Variants in UNC5A observed in about 807,000 individuals in gnomAD.
UNC5A encodes unc-5 netrin receptor A.
A neutral mutation model predicts 87.4 loss-of-function variants in UNC5A; 20 were observed. The ratio of observed to expected loss-of-function variants is 0.23; its 90% CI spans 0.16 to 0.33. The LOEUF is 0.33. UNC5A is among the 10% of genes least tolerant of loss of function. The probability of loss-of-function intolerance (pLI) is 1.00; values close to 1 mark genes in which losing one functional copy is unlikely to be tolerated. For synonymous variants in UNC5A, 438 were observed against 482.3 expected (o/e 0.91, Z 1.20); for missense variants, 844 against 1,133.4 (o/e 0.74, Z 3.67).
At chr5:176,864,675 T>G in intron 2 of UNC5A, 1 of 334,886 alleles carries the variant, frequency 3.0e-6, no homozygotes, top group South Asian at 2.2e-5. Context: ...CCAAGTGTCG[T>G]CTCAGTGCCT....
At position 176,865,633 on chromosome 5, in the gene UNC5A, T is replaced by C. The variant is rs1757956838; in HGVS notation, c.293-2497T>C. On this transcript the variant is annotated intron_variant, in intron 2 of 14. Coordinates refer to ENST00000329542, the MANE Select transcript of UNC5A (RefSeq NM_133369.3). This position sits in a 1 kb window ranked among gnomAD's most constrained non-coding sequence, Gnocchi z 5.3. ...AGTGCTTTGAGGTGAAGAAAAAGGC[T>C]TTCCTTACCCACGGCAGATACCACG... is the stretch of plus-strand genomic sequence containing the variant. The C allele has an allele frequency of 2.2e-6, 1 of 456,676 alleles. No homozygotes were observed. The highest frequency in any genetic ancestry group is 2.3e-5 in the Admixed American group (1 of 42,574). The allele number at this position is 456,676 out of a possible 1,614,324, so 28.3% of individuals were successfully genotyped here.
intron 1 of UNC5A, among the ~76,000 whole-genome samples, chr5:176,830,970 G>C (rs1322020486): frequency 6.7e-6 from 1 of 148,938 alleles, no homozygotes; most frequent in African/African-American, 2.6e-5. Context: ...GTGTGTGTGT[G>C]CTGGTGTGTG....
At position 176,824,038 on chromosome 5, in the gene UNC5A, C is replaced by T. The variant is rs1157883215; in HGVS notation, c.70+13218C>T. Among the ~76,000 whole-genome samples the T allele has an allele frequency of 6.6e-6, 1 of 152,228 alleles. No individual in the cohort carries two copies. The highest frequency in any genetic ancestry group is 2.4e-5 in the African/African-American group (1 of 41,464). On this transcript the variant is annotated intron_variant, in intron 1 of 14. Transcript: ENST00000329542. The surrounding 1 kb of genome is among the most constrained non-coding windows in gnomAD (Gnocchi z 4.2). ...CACCTGTCCCAGCTGGCGAATGGTC[C>T]CGGAGATCCTGGGCACATGATTGGG...
At position 176,870,359 on chromosome 5, in the gene UNC5A, C is replaced by G; in HGVS notation, c.722-11C>G. The G allele has an allele frequency of 6.2e-7, 1 of 1,610,526 alleles. No individual in the cohort carries two copies. The highest frequency in any genetic ancestry group is 8.5e-7 in the Non-Finnish European group (1 of 1,179,372). On this transcript the variant is annotated splice_polypyrimidine_tract_variant and intron_variant, in intron 5 of 14. Coordinates refer to ENST00000329542, the MANE Select transcript of UNC5A (RefSeq NM_133369.3). ...ACCGCACCGTCTCCTCTCTGCTTGTCTCTCATCTAGTGGACGGCAGCTGGA... is the reference window on the plus strand; with the variant it reads ...ACCGCACCGTCTCCTCTCTGCTTGTGTCTCATCTAGTGGACGGCAGCTGGA...
At chr5:176,870,669 C>T (rs999176789) in intron 6 of UNC5A, 135 bp downstream of exon 6, 2 of 1,015,440 alleles carry the variant, frequency 2.0e-6, no homozygotes, top group Non-Finnish European at 2.8e-6. Context: ...CCACTGAGAT[C>T]CCCCTCATCC....
intron 1 of UNC5A, among the ~76,000 whole-genome samples, chr5:176,857,060 G>A (rs901591126): frequency 3.3e-5 from 5 of 152,194 alleles, no homozygotes; most frequent in South Asian, 2.1e-4. Flanking sequence ...CATTCAGGGC[G>A]CTGCTCAGAT....
intron 1 of UNC5A, among the ~76,000 whole-genome samples, chr5:176,850,539 C>T (rs543070350): frequency 2.0e-5 from 3 of 151,548 alleles, no homozygotes; most frequent in South Asian, 4.2e-4. Context: ...GTCGGGATGG[C>T]GCAGGCAGCG....
intron 1 of UNC5A, among the ~76,000 whole-genome samples, chr5:176,813,136 GCGCA>G (rs1262416031): frequency 5.9e-5 from 9 of 152,170 alleles, no homozygotes; most frequent in Admixed American, 4.6e-4. Flanking sequence ...CTCTGTGCCC[GCGCA>G]CGCAAGCACC....
intron 6 of UNC5A, among the ~76,000 whole-genome samples, chr5:176,872,744 C>A (rs2917638): frequency 8.5e-6 from 1 of 117,680 alleles, no homozygotes; most frequent in African/African-American, 3.4e-5. Flanking sequence ...TTCACATCTG[C>A]CCACACTCAC....
rs1304385131 is a variant in UNC5A, at chr5:176,838,888, G to A, written c.71-23736G>A. 2.0e-5 allele frequency among the ~76,000 whole-genome samples: 3 copies of A among 152,236 alleles called. No individual in the cohort carries two copies. Among genetic ancestry groups the A allele is most frequent in the African/African-American group, 4.8e-5 (2 of 41,456 alleles). ...ATAGCATTGGTTTAAGCCAATCAGGGTCCATCCCTGAAGCTGGTAGGGGTC... is the reference window on the plus strand; with the variant it reads ...ATAGCATTGGTTTAAGCCAATCAGGATCCATCCCTGAAGCTGGTAGGGGTC... On this transcript the variant is annotated intron_variant, in intron 1 of 14. Coordinates refer to ENST00000329542, the MANE Select transcript of UNC5A (RefSeq NM_133369.3). The surrounding 1 kb of genome is among the most constrained non-coding windows in gnomAD (Gnocchi z 4.2).
Position 176,869,832 on chromosome 5 carries a change from G to A in UNC5A, c.722-538G>A. ...TCGTTCCTCACCACGCCATCTCCGT[G>A]CCCTGGCTCCATCGCGCCCACCAGC... On this transcript the variant is annotated intron_variant, in intron 5 of 14. Transcript: ENST00000329542. This position sits in a 1 kb window ranked among gnomAD's most constrained non-coding sequence, Gnocchi z 9.1. 3.5e-6 allele frequency: 2 copies of A among 576,162 alleles called. No homozygotes were observed. The allele number at this position is 576,162 out of a possible 1,614,324, so 35.7% of individuals were successfully genotyped here.
In UNC5A at chr5:176,862,772, C is replaced by T. The variant is rs777741756; in HGVS notation, c.219C>T (p.Ile73=). ...LVCKAVPATQ[I]FFKCNGEWVR... ...GCAAGGCCGTGCCCGCCACGCAGAT[C>T]TTCTTCAAGTGCAACGGGGAGTGGG... Residue 73 remains isoleucine, a synonymous_variant, in exon 2 of 15, where the codon ATC becomes ATT. Coordinates refer to ENST00000329542, the MANE Select transcript of UNC5A (RefSeq NM_133369.3). The T allele has an allele frequency of 6.2e-7, 1 of 1,613,582 alleles. No homozygotes were observed. The highest frequency in any genetic ancestry group is 2.2e-5 in the East Asian group (1 of 44,874).
intron 1 of UNC5A, among the ~76,000 whole-genome samples, chr5:176,822,646 GC>G (rs1756754869): frequency 6.6e-6 from 1 of 152,246 alleles, no homozygotes; most frequent in Non-Finnish European, 1.5e-5. Context: ...AACAAGGACA[GC>G]CCACCTGCTG....
intron 1 of UNC5A, among the ~76,000 whole-genome samples, chr5:176,845,817 G>A (rs1302167779): frequency 6.6e-6 from 1 of 152,356 alleles, no homozygotes. Context: ...GGTGCCATGA[G>A]CTGAGATTCA....
intron 1 of UNC5A, among the ~76,000 whole-genome samples, chr5:176,825,469 A>T (rs990805957): frequency 6.6e-6 from 1 of 152,196 alleles, no homozygotes; most frequent in Non-Finnish European, 1.5e-5. Context: ...GCAGGAGTGA[A>T]CTGGGACAGT....
At chr5:176,842,636 CAT>C (rs564179682) in intron 1 of UNC5A, among the ~76,000 whole-genome samples, 142 of 152,208 alleles carry the variant, frequency 9.3e-4, no homozygotes, top group Non-Finnish European at 1.7e-3. Context: ...TCCCCACTGA[CAT>C]GTGGGAGCTA....
chr5:176,815,211 G>A (rs1756559337), intron 1 of UNC5A, among the ~76,000 whole-genome samples: 2 of 152,216 alleles, frequency 1.3e-5, no homozygotes, highest in South Asian at 2.1e-4. Context: ...GGGCTGCTCT[G>A]CACAGCTCCT....
rs1554097973 is a variant in UNC5A, at chr5:176,844,531, A to T, written c.71-18093A>T. Among the ~76,000 whole-genome samples, 1 of 152,150 alleles carries T rather than the reference A, an allele frequency of 6.6e-6. No individual in the cohort carries two copies. The highest frequency in any genetic ancestry group is 1.5e-5 in the Non-Finnish European group (1 of 68,012). On this transcript the variant is annotated intron_variant, in intron 1 of 14. Coordinates refer to ENST00000329542, the MANE Select transcript of UNC5A (RefSeq NM_133369.3). The surrounding 1 kb of genome is among the most constrained non-coding windows in gnomAD (Gnocchi z 4.2). ...CAGCAGGTTGGTGAGGGAAGGTCTG[A>T]TGGGGACTTAGCCGCACTGTGCCAC...
chr5:176,878,760 GC>G, intron 13 of UNC5A, 121 bp downstream of exon 13: 1 of 1,329,340 alleles, frequency 7.5e-7, no homozygotes, highest in Non-Finnish European at 1.0e-6. Context: ...CTGTCCCCAG[GC>G]CCACCTCCTC....
Sources: gnomAD v4.1 joint callset for allele counts (sites outside exome capture counted in the v4.1 genomes callset) on GRCh38, gnomAD v4.1.1 for gene constraint, Gnocchi (gnomAD v3.1) non-coding constraint, MANE v1.5 for transcripts, NCBI Gene and HGNC (gene_info 2026-07-23, HGNC 2026-07-21) for gene names.